Variants in POLA1 observed in about 807,000 individuals in gnomAD.
POLA1 encodes DNA polymerase alpha 1, catalytic subunit.
A neutral mutation model predicts 124.0 loss-of-function variants in POLA1; 15 were observed. That is an observed-to-expected ratio of 0.12 (90% CI 0.08 to 0.19). POLA1 has a LOEUF of 0.19. POLA1 is among the 10% of genes least tolerant of loss of function. The pLI, the probability that POLA1 is intolerant of heterozygous loss-of-function variation, is 1.00. For synonymous variants in POLA1, 408 were observed against 389.4 expected, an observed-to-expected ratio of 1.05 and a Z score of -0.56; for missense variants, 886 against 1,103.4, an observed-to-expected ratio of 0.80 and a Z score of 2.79.
At chrX:24,741,323 C>T in intron 20 of POLA1, 52 bp from the exon 21 acceptor site, 2 of 984,632 alleles carry the variant, frequency 2.0e-6, no homozygotes, top group Non-Finnish European at 2.8e-6. Flanking sequence ...TGATTATAGG[C>T]ATTGTTTCTT....
At chrX:24,806,510 C>G (rs767236414) in intron 26 of POLA1, among the ~76,000 whole-genome samples, 2 of 110,658 alleles carry the variant, frequency 1.8e-5, no homozygotes, top group African/African-American at 6.6e-5. Context: ...AGGGGTCAGA[C>G]TGGTTGTGGG....
chrX:24,843,034 G>A (rs767204196), intron 33 of POLA1, among the ~76,000 whole-genome samples: 12 of 111,680 alleles, frequency 1.1e-4, no homozygotes, highest in Admixed American at 9.5e-4. Flanking sequence ...CAAAATTTTA[G>A]ATTTGCTAAG....
chrX:24,748,742 TATTA>T (rs1323673961), intron 25 of POLA1, 124 bp from the exon 26 acceptor site: 9 of 700,811 alleles, frequency 1.3e-5, no homozygotes, highest in Admixed American at 6.2e-5. Context: ...GGGTTGAGTA[TATTA>T]ATTCTTTTTT....
At chrX:24,889,225 A>G (rs2047111281) in intron 35 of POLA1, among the ~76,000 whole-genome samples, 1 of 111,547 alleles carries the variant, frequency 9.0e-6, no homozygotes, top group Non-Finnish European at 1.9e-5. Context: ...ACATACTATC[A>G]TTAATGACTC....
At chrX:24,798,178 T>C (rs2045643163) in intron 26 of POLA1, among the ~76,000 whole-genome samples, 1 of 112,333 alleles carries the variant, frequency 8.9e-6, no homozygotes, top group Non-Finnish European at 1.9e-5. Context: ...TTTTCTCAAC[T>C]TGATCTTTGT....
At chrX:24,988,992 G>A (rs1012621293) in intron 36 of POLA1, among the ~76,000 whole-genome samples, 2 of 111,611 alleles carry the variant, frequency 1.8e-5, no homozygotes, top group African/African-American at 6.5e-5. Context: ...ATTAGAAATG[G>A]TATGTGAGCA....
chrX:24,952,044 G>C (rs749438173), intron 36 of POLA1, among the ~76,000 whole-genome samples: 1 of 111,518 alleles, frequency 9.0e-6, no homozygotes, highest in African/African-American at 3.3e-5. Flanking sequence ...AGGTGGTAAC[G>C]AGGAGTCCTG....
chrX:24,760,803 A>G (rs986225440), intron 26 of POLA1, among the ~76,000 whole-genome samples: 11 of 111,755 alleles, frequency 9.8e-5, no homozygotes, highest in African/African-American at 3.6e-4. Context: ...GAATAGTTTT[A>G]TGTATGTGTG....
At chrX:24,855,916 G>T (rs1300971543) in intron 34 of POLA1, among the ~76,000 whole-genome samples, 1 of 112,022 alleles carries the variant, frequency 8.9e-6, no homozygotes, top group African/African-American at 3.3e-5. Context: ...GACCCACACA[G>T]TTCAAACTTG....
chrX:24,736,702 ACAGTTCAGTG>A (rs1245934409), intron 18 of POLA1, among the ~76,000 whole-genome samples: 1 of 112,079 alleles, frequency 8.9e-6, no homozygotes, highest in Non-Finnish European at 1.9e-5. Flanking sequence ...TTTATAGTAT[ACAGTTCAGTG>A]GTATTAACTA....
At chrX:24,803,930 TAAAAAAAAAAAAA>T (rs34721601) in intron 26 of POLA1, among the ~76,000 whole-genome samples, 12 of 13,841 alleles carry the variant, frequency 8.7e-4, no homozygotes, top group African/African-American at 1.8e-3. Context: ...ACCCTAGACT[TAAAAAAAAAAAAA>T]AAAAAAAAAA....
Position 24,727,865 on chromosome X carries a change from A to C in POLA1, c.1615A>C (p.Ser539Arg). 4 of 1,208,156 alleles carry C rather than the reference A, an allele frequency of 3.3e-6. No individual in the cohort carries two copies. The highest frequency in any genetic ancestry group is 4.5e-6 in the Non-Finnish European group (4 of 891,822). ...PDLVNVIKDV[S>R]PPPLVVMAFS... Reference sequence around the variant, plus strand: ...CCTGGTGAATGTAATTAAGGATGTCAGTCCACCACCGCTTGTCGTGATGGC... The same window carrying C: ...CCTGGTGAATGTAATTAAGGATGTCCGTCCACCACCGCTTGTCGTGATGGC... Residue 539 changes from serine to arginine, a missense_variant, in exon 15 of 37, where the codon AGT becomes CGT. By Grantham distance (110) the Ser-to-Arg change is moderately radical. Transcript: ENST00000379068.
At chrX:24,716,191 A>G (rs1929817837) in intron 6 of POLA1, among the ~76,000 whole-genome samples, 171 bp from the exon 7 acceptor site, 1 of 93,824 alleles carries the variant, frequency 1.1e-5, no homozygotes, top group Non-Finnish European at 2.1e-5. Flanking sequence ...TGTGATTTCT[A>G]TAGTATTGTT....
intron 36 of POLA1, among the ~76,000 whole-genome samples, chrX:24,972,580 A>G (rs2048316537): frequency 8.9e-6 from 1 of 111,960 alleles, no homozygotes; most frequent in South Asian, 3.8e-4. Flanking sequence ...TCTCTGTTCC[A>G]ATTCCAAGTC....
chrX:24,792,680 C>T (rs1272855832), intron 26 of POLA1, among the ~76,000 whole-genome samples: 1 of 112,079 alleles, frequency 8.9e-6, no homozygotes, highest in African/African-American at 3.2e-5. Flanking sequence ...TCAGATATAT[C>T]CTCTGTTAAA....
At chrX:24,950,025 C>G (rs1220904143) in intron 36 of POLA1, among the ~76,000 whole-genome samples, 2 of 112,048 alleles carry the variant, frequency 1.8e-5, no homozygotes, top group African/African-American at 6.5e-5. Flanking sequence ...AGCCACCACG[C>G]CCAGCTACTG....
At chrX:24,857,964 A>C (rs910976798) in intron 34 of POLA1, among the ~76,000 whole-genome samples, 2 of 112,001 alleles carry the variant, frequency 1.8e-5, no homozygotes, top group African/African-American at 3.2e-5. Context: ...TTAACATGTA[A>C]TTACCATGTG....
chrX:24,732,562 A>G, intron 16 of POLA1, 108 bp downstream of exon 16: 2 of 437,985 alleles, frequency 4.6e-6, no homozygotes, highest in Non-Finnish European at 7.9e-6. Context: ...GTTTTCAAGA[A>G]TAGTGCATAT....
intron 36 of POLA1, among the ~76,000 whole-genome samples, chrX:24,980,158 CTA>C (rs2048405434): frequency 9.0e-6 from 1 of 111,720 alleles, no homozygotes; most frequent in Admixed American, 9.5e-5. Flanking sequence ...CTTTTCACCT[CTA>C]TGCTTCACTT....
Sources: gnomAD v4.1 joint callset for allele counts (sites outside exome capture counted in the v4.1 genomes callset) on GRCh38, gnomAD v4.1.1 for gene constraint, MANE v1.5 for transcripts, NCBI Gene and HGNC (gene_info 2026-07-23, HGNC 2026-07-21) for gene names.